Variants in S100Z observed in about 807,000 individuals in gnomAD.
S100Z encodes S100 calcium binding protein Z, also known as protein S100-Z.
Under a neutral mutation model 8.5 loss-of-function variants are expected in S100Z, and 11 were observed. The observed-to-expected ratio is 1.30, with a 90% confidence interval of 0.82 to 2.15. The LOEUF (loss-of-function observed/expected upper bound fraction) is 2.15. S100Z is among the 30% of genes most tolerant of loss of function. S100Z has a pLI of 0.00. For missense variants in S100Z, 126 were observed against 117.9 expected (o/e 1.07, Z -0.32); for synonymous variants, 34 against 43.8 (o/e 0.78, Z 0.89).
intron 1 of S100Z, among the ~76,000 whole-genome samples, chr5:76,864,167 C>T (rs1257257998): frequency 6.6e-6 from 1 of 152,046 alleles, no homozygotes; most frequent in Non-Finnish European, 1.5e-5. Context: ...ACATATATGA[C>T]AATGGTCCCA....
the S100Z span, among the ~76,000 whole-genome samples, chr5:76,947,433 C>T: frequency 2.6e-5 from 4 of 152,216 alleles, no homozygotes; most frequent in Non-Finnish European, 4.4e-5. Context: ...TGATCTCAAA[C>T]ACACATGAAA....
intron 4 of S100Z, among the ~76,000 whole-genome samples, chr5:76,885,091 G>A (rs975443049): frequency 4.6e-5 from 7 of 152,182 alleles, no homozygotes; most frequent in African/African-American, 1.7e-4. Context: ...TAGAACCATT[G>A]TCGAGCTTGT....
intron 4 of S100Z, among the ~76,000 whole-genome samples, chr5:76,896,181 C>T (rs1250971196): frequency 6.6e-6 from 1 of 152,156 alleles, no homozygotes; most frequent in Non-Finnish European, 1.5e-5. Context: ...TCCTCCCCAA[C>T]CCCCTGCTAC....
intron 1 of S100Z, among the ~76,000 whole-genome samples, chr5:76,866,340 C>T (rs1320528113): frequency 6.6e-6 from 1 of 152,136 alleles, no homozygotes; most frequent in Non-Finnish European, 1.5e-5. Flanking sequence ...CTGCCTCAGC[C>T]TCCCCAAGTG....
intron 3 of S100Z, 58 bp from the exon 4 acceptor site, chr5:76,877,616 T>A (rs752105008): frequency 2.0e-6 from 2 of 995,116 alleles, no homozygotes; most frequent in Non-Finnish European, 3.1e-6. Flanking sequence ...AAGATGAATT[T>A]CAATTGTCAT....
intron 1 of S100Z, among the ~76,000 whole-genome samples, chr5:76,857,157 T>C (rs960991642): frequency 2.0e-5 from 3 of 152,014 alleles, no homozygotes; most frequent in Admixed American, 6.6e-5. Flanking sequence ...CCAGGCGTGG[T>C]GGCAGGTGCC....
At chr5:76,894,299 T>C (rs555271972) in intron 4 of S100Z, among the ~76,000 whole-genome samples, 2 of 152,374 alleles carry the variant, frequency 1.3e-5, no homozygotes, top group African/African-American at 4.8e-5. Context: ...CAAACCAATG[T>C]ATTTCTTAAA....
chr5:76,926,669 G>C, the S100Z span, among the ~76,000 whole-genome samples: 1 of 152,184 alleles, frequency 6.6e-6, no homozygotes, highest in Non-Finnish European at 1.5e-5. Context: ...GAACCAAGCA[G>C]GTTTTAGAAC....
chr5:76,919,550 C>CCCTTCCTT (rs1244848598), intron 4 of S100Z, among the ~76,000 whole-genome samples: 1 of 77,282 alleles, frequency 1.3e-5, no homozygotes. Context: ...CTCCCTCCCT[C>CCCTTCCTT]CCTTCCTTCC....
At chr5:76,875,539 G>A in intron 3 of S100Z, 39 bp downstream of exon 3, 2 of 1,558,536 alleles carry the variant, frequency 1.3e-6, no homozygotes, top group Non-Finnish European at 1.7e-6. Context: ...TCATTTGAGG[G>A]TAGATGAGGT....
intron 4 of S100Z, among the ~76,000 whole-genome samples, chr5:76,918,054 G>C (rs955780458): frequency 6.6e-6 from 1 of 152,058 alleles, no homozygotes; most frequent in African/African-American, 2.4e-5. Flanking sequence ...GTGGTCAAAG[G>C]TATACGTATT....
At chr5:76,928,942 A>T in the S100Z span, among the ~76,000 whole-genome samples, 1 of 152,224 alleles carries the variant, frequency 6.6e-6, no homozygotes, top group Non-Finnish European at 1.5e-5. Context: ...AGGTCTCACT[A>T]TGTTGCCTAG....
At chr5:76,872,686 T>G (rs569157098) in intron 2 of S100Z, among the ~76,000 whole-genome samples, 1 of 151,742 alleles carries the variant, frequency 6.6e-6, no homozygotes, top group Admixed American at 6.6e-5. Flanking sequence ...TAAGGCTGGG[T>G]GCAGTGGCTC....
At chr5:76,868,224 T>C (rs1349147782) in intron 1 of S100Z, among the ~76,000 whole-genome samples, 1 of 152,110 alleles carries the variant, frequency 6.6e-6, no homozygotes, top group Non-Finnish European at 1.5e-5. Context: ...GCTTTATAAA[T>C]AGGATTTCAA....
chr5:76,936,792 T>C, the S100Z span, among the ~76,000 whole-genome samples: 2 of 152,220 alleles, frequency 1.3e-5, no homozygotes, highest in East Asian at 3.9e-4. Flanking sequence ...TGCAGAATCC[T>C]GCCTAGGATT....
chr5:76,865,342 T>C (rs868376912), intron 1 of S100Z, among the ~76,000 whole-genome samples: 6 of 150,736 alleles, frequency 4.0e-5, no homozygotes, highest in Non-Finnish European at 8.8e-5. Context: ...CCTCCCGGCT[T>C]CAAGTGATTC....
chr5:76,917,501 T>C (rs1744890763), intron 4 of S100Z, among the ~76,000 whole-genome samples: 1 of 152,178 alleles, frequency 6.6e-6, no homozygotes, highest in South Asian at 2.1e-4. Flanking sequence ...GCCATTCAGC[T>C]ATATGGTTTT....
chr5:76,924,293 T>C (rs1178448067), downstream of S100Z, among the ~76,000 whole-genome samples: 1 of 152,204 alleles, frequency 6.6e-6, no homozygotes, highest in Non-Finnish European at 1.5e-5. Context: ...TAGACCTCAC[T>C]GGGTTTTTAG....
chr5:76,902,487 G>T (rs1271957689), intron 4 of S100Z, among the ~76,000 whole-genome samples: 1 of 152,196 alleles, frequency 6.6e-6, no homozygotes, highest in East Asian at 1.9e-4. Context: ...TGCTGCCAGG[G>T]GTGGGGCAGG....
Sources: gnomAD v4.1 joint callset for allele counts (sites outside exome capture counted in the v4.1 genomes callset) on GRCh38, gnomAD v4.1.1 for gene constraint, MANE v1.5 for transcripts, NCBI Gene and HGNC (gene_info 2026-07-23, HGNC 2026-07-21) for gene names.